The following GNG2 variants were observed in gnomAD, a reference collection of about 807,000 sequenced individuals.
The protein encoded by GNG2 is guanine nucleotide-binding protein G(I)/G(S)/G(O) subunit gamma-2.
A neutral mutation model predicts 5.5 loss-of-function variants in GNG2; 5 were observed. The ratio of observed to expected loss-of-function variants is 0.91; its 90% confidence interval spans 0.48 to 1.92. The LOEUF (loss-of-function observed/expected upper bound fraction) is 1.92, where lower values mean the gene tolerates loss of function less well. Among genes scored for constraint, GNG2 ranks in the 30% most tolerant of loss-of-function variants. GNG2 has a pLI of 0.01. For synonymous variants in GNG2, 28 were observed against 32.0 expected (o/e 0.88, Z 0.42); for missense variants, 55 against 88.4 (o/e 0.62, Z 1.52).
At chr14:51,877,380 T>C (rs1883747990) in intron 1 of GNG2, among the ~76,000 whole-genome samples, 1 of 152,184 alleles carries the variant, frequency 6.6e-6, no homozygotes, top group Admixed American at 6.5e-5. Flanking sequence ...GCTAGGAGAT[T>C]TCACAAAGAA....
At chr14:51,905,173 A>C (rs1293733665) in intron 2 of GNG2, among the ~76,000 whole-genome samples, 1 of 152,198 alleles carries the variant, frequency 6.6e-6, no homozygotes, top group Non-Finnish European at 1.5e-5. Context: ...GGGATTGGAA[A>C]TAGTTTGTCC....
intron 2 of GNG2, among the ~76,000 whole-genome samples, chr14:51,850,231 T>C (rs1259817808): frequency 6.6e-6 from 1 of 152,180 alleles, no homozygotes; most frequent in Non-Finnish European, 1.5e-5. Flanking sequence ...CCCTTAATTT[T>C]AGAAGCAAGT....
chr14:51,846,890 A>G (rs1881642979), intron 2 of GNG2, among the ~76,000 whole-genome samples: 1 of 152,180 alleles, frequency 6.6e-6, no homozygotes, highest in Non-Finnish European at 1.5e-5. Flanking sequence ...CTTTTCAAAC[A>G]TGATTCTTTT....
chr14:51,950,036 A>T (rs1057384030), intron 2 of GNG2, among the ~76,000 whole-genome samples: 1 of 152,188 alleles, frequency 6.6e-6, no homozygotes, highest in Non-Finnish European at 1.5e-5. Context: ...CACCATGCCC[A>T]GCCAAGAACT....
At chr14:51,847,090 T>G (rs534097158) in intron 2 of GNG2, 1 of 152,242 alleles carries the variant, frequency 6.6e-6, no homozygotes, top group East Asian at 1.9e-4. Context: ...CCTACAGAAT[T>G]TTTAGACAGA....
Position 51,954,125 on chromosome 14 carries a change from A to T in GNG2, c.87+3360A>T, listed in dbSNP as rs552437305. On this transcript the variant is annotated intron_variant, in intron 3 of 3. Transcript: ENST00000556766. ...CTATGAATAACATAGTTACATGAAT[A>T]GCATGTTTGTTTTTTAAGCCTTCTT... 3.9e-5 allele frequency among the ~76,000 whole-genome samples: 6 copies of T among 152,260 alleles called. No individual in the cohort carries two copies. In the East Asian group the frequency reaches 1.2e-3, roughly 29 times the overall value.
At chr14:51,954,058 G>A (rs1889135981) in intron 3 of GNG2, among the ~76,000 whole-genome samples, 1 of 152,150 alleles carries the variant, frequency 6.6e-6, no homozygotes, top group Non-Finnish European at 1.5e-5. Context: ...TATCCCTCAT[G>A]TGACCCCCAG....
At chr14:51,900,265 T>A (rs182819653) in intron 2 of GNG2, among the ~76,000 whole-genome samples, 3 of 152,296 alleles carry the variant, frequency 2.0e-5, no homozygotes, top group Non-Finnish European at 4.4e-5. Context: ...ATTAGTGACT[T>A]GGAGCATTTT....
chr14:51,942,126 G>C (rs1888355204), intron 2 of GNG2, among the ~76,000 whole-genome samples: 1 of 152,202 alleles, frequency 6.6e-6, no homozygotes, highest in South Asian at 2.1e-4. Context: ...AAAGCATATT[G>C]CTGAGAATTA....
intron 3 of GNG2, among the ~76,000 whole-genome samples, chr14:51,958,212 G>A (rs1889379198): frequency 6.6e-6 from 1 of 152,052 alleles, no homozygotes; most frequent in African/African-American, 2.4e-5. Context: ...CTCAGTTTTT[G>A]GCACAGAAAG....
intron 2 of GNG2, among the ~76,000 whole-genome samples, chr14:51,836,787 C>T (rs1483670519): frequency 6.6e-6 from 1 of 151,136 alleles, no homozygotes; most frequent in Admixed American, 6.6e-5. Flanking sequence ...TTAATGCTAA[C>T]CTATCACTAA....
At chr14:51,942,589 C>CTTTTTTTCTTTCTTTCT in intron 2 of GNG2, among the ~76,000 whole-genome samples, 1 of 81,146 alleles carries the variant, frequency 1.2e-5, no homozygotes, top group Non-Finnish European at 2.3e-5. Context: ...TTCTTTCTTT[C>CTTTTTTTCTTTCTTTCT]TTTTTTTTTT....
chr14:51,841,483 C>T (rs1193334299), intron 2 of GNG2: 12 of 701,268 alleles, frequency 1.7e-5, no homozygotes, highest in Middle Eastern at 2.3e-4. Context: ...AAGGTAGATA[C>T]TATTTTTCTC....
At chr14:51,933,912 T>A (rs1265226902) in intron 2 of GNG2, among the ~76,000 whole-genome samples, 1 of 152,124 alleles carries the variant, frequency 6.6e-6, no homozygotes, top group Non-Finnish European at 1.5e-5. Context: ...CATGAGAAGG[T>A]GACTCAGGAA....
At chr14:51,923,770 T>G (rs1887159295) in intron 2 of GNG2, among the ~76,000 whole-genome samples, 1 of 152,210 alleles carries the variant, frequency 6.6e-6, no homozygotes, top group East Asian at 1.9e-4. Flanking sequence ...GAATGTAAAA[T>G]GTATATGAAT....
chr14:51,830,085 C>T (rs1014235378), intron 2 of GNG2, among the ~76,000 whole-genome samples: 7 of 152,266 alleles, frequency 4.6e-5, no homozygotes, highest in Admixed American at 3.3e-4. Context: ...TCGTGATCCG[C>T]CCACCTCAGC....
intron 2 of GNG2, among the ~76,000 whole-genome samples, chr14:51,916,796 A>G (rs901536259): frequency 1.3e-5 from 2 of 152,212 alleles, no homozygotes; most frequent in Non-Finnish European, 2.9e-5. Flanking sequence ...GCTTTGAAGC[A>G]GCCTCCCATC....
intron 2 of GNG2, among the ~76,000 whole-genome samples, chr14:51,888,443 C>T (rs939088599): frequency 1.3e-5 from 2 of 152,032 alleles, no homozygotes; most frequent in Non-Finnish European, 2.9e-5. Context: ...CTCAGCCTCC[C>T]CAGTAGCTAG....
intron 2 of GNG2, among the ~76,000 whole-genome samples, chr14:51,920,522 A>G (rs1236110163): frequency 6.6e-6 from 1 of 152,112 alleles, no homozygotes; most frequent in Non-Finnish European, 1.5e-5. Flanking sequence ...CTTTACGGAT[A>G]CAGAAGGCAG....
Sources: allele counts gnomAD v4.1 joint callset (sites outside exome capture counted in the v4.1 genomes callset), GRCh38; gene constraint gnomAD v4.1.1; transcripts MANE v1.5; gene names NCBI Gene and HGNC (gene_info 2026-07-23, HGNC 2026-07-21).